The following ATP8A2 variants were observed in gnomAD, a reference collection of about 807,000 sequenced individuals.
ATP8A2 encodes ATPase phospholipid transporting 8A2.
A neutral mutation model predicts 165.6 loss-of-function variants in ATP8A2; 100 were observed. The ratio of observed to expected loss-of-function variants is 0.60; its 90% CI spans 0.51 to 0.71. The LOEUF (loss-of-function observed/expected upper bound fraction) is 0.71, where lower values mean the gene tolerates loss of function less well. ATP8A2 is among the 30% of genes least tolerant of loss of function. The pLI is 0.00. For missense variants in ATP8A2, 1,227 were observed against 1,479.5 expected (o/e 0.83, Z 2.80); for synonymous variants, 543 against 548.8 (o/e 0.99, Z 0.15).
chr13:25,505,368 T>G (rs1007676732), intron 2 of ATP8A2, among the ~76,000 whole-genome samples: 13 of 152,208 alleles, frequency 8.5e-5, no homozygotes, highest in African/African-American at 2.4e-5. Flanking sequence ...TTATTTTCTT[T>G]CTTGCTTTTC....
intron 1 of ATP8A2, among the ~76,000 whole-genome samples, chr13:25,374,921 A>C (rs1011213708): frequency 2.0e-5 from 3 of 152,228 alleles, no homozygotes; most frequent in Non-Finnish European, 4.4e-5. Flanking sequence ...ATTGCAGATC[A>C]CAGTCAGCTT....
intron 1 of ATP8A2, among the ~76,000 whole-genome samples, chr13:25,434,109 T>C (rs971537596): frequency 1.3e-5 from 2 of 152,236 alleles, no homozygotes; most frequent in African/African-American, 4.8e-5. Context: ...TACCCCCGAA[T>C]GTAAAAAAGA....
intron 2 of ATP8A2, among the ~76,000 whole-genome samples, chr13:25,512,410 G>A (rs2037261285): frequency 2.6e-5 from 4 of 152,254 alleles, no homozygotes; most frequent in South Asian, 4.2e-4. Context: ...CCTCCCAGAC[G>A]GGGTGGTGGC....
chr13:25,711,971 G>A (rs2043167952), intron 25 of ATP8A2, among the ~76,000 whole-genome samples: 1 of 152,114 alleles, frequency 6.6e-6, no homozygotes, highest in African/African-American at 2.4e-5. Flanking sequence ...GGTGCAGGTA[G>A]GATTCTGCCA....
chr13:25,637,884 G>A (rs532791106), intron 24 of ATP8A2, among the ~76,000 whole-genome samples: 4 of 152,176 alleles, frequency 2.6e-5, no homozygotes, highest in Admixed American at 6.5e-5. Context: ...CACCTCACAC[G>A]GCCGGGTACC....
intron 33 of ATP8A2, among the ~76,000 whole-genome samples, chr13:25,886,428 C>A (rs1953157774): frequency 6.6e-6 from 1 of 152,178 alleles, no homozygotes; most frequent in Admixed American, 6.5e-5. Flanking sequence ...GGGAGGTGTG[C>A]CTCTGCTTTA....
At chr13:25,653,246 A>G (rs2041854982) in intron 24 of ATP8A2, among the ~76,000 whole-genome samples, 1 of 152,214 alleles carries the variant, frequency 6.6e-6, no homozygotes, top group Non-Finnish European at 1.5e-5. Context: ...GGTGGTACAT[A>G]TACACCATGG....
At chr13:25,873,393 G>A (rs1037214719) in intron 33 of ATP8A2, among the ~76,000 whole-genome samples, 10 of 152,196 alleles carry the variant, frequency 6.6e-5, no homozygotes, top group Non-Finnish European at 8.8e-5. Context: ...AAGAGGTCAC[G>A]ACTTGGGTCA....
At chr13:25,978,769 T>G (rs1956116097) in intron 35 of ATP8A2, among the ~76,000 whole-genome samples, 1 of 152,004 alleles carries the variant, frequency 6.6e-6, no homozygotes, top group Non-Finnish European at 1.5e-5. Context: ...TTAAAACCCG[T>G]CTCTACTAAA....
chr13:25,939,631 T>C (rs1447714591), intron 33 of ATP8A2, among the ~76,000 whole-genome samples: 1 of 151,598 alleles, frequency 6.6e-6, no homozygotes, highest in Non-Finnish European at 1.5e-5. Context: ...CTTCCCTGGC[T>C]CCTGGGAGGT....
Position 25,750,532 on chromosome 13 carries a change from C to T in ATP8A2, c.2385-18514C>T, listed in dbSNP as rs1051069355. Among the ~76,000 whole-genome samples, 5 of 152,234 alleles carry T rather than the reference C, an allele frequency of 3.3e-5. No individual in the cohort carries two copies. Among genetic ancestry groups the T allele is most frequent in the South Asian group, 4.1e-4 (2 of 4,824 alleles). ...TCTGCCCGGCTCCCATTCCGAAGGC[C>T]GGTGGTTTCAGCCCAGCTTTGGGAG... On this transcript the variant is annotated intron_variant, in intron 25 of 36. Coordinates refer to ENST00000381655, the MANE Select transcript of ATP8A2 (RefSeq NM_016529.6). The surrounding 1 kb of genome is among the most constrained non-coding windows in gnomAD (Gnocchi z 4.3).
intron 33 of ATP8A2, among the ~76,000 whole-genome samples, chr13:25,932,857 T>C (rs1191159215): frequency 6.6e-6 from 1 of 152,098 alleles, no homozygotes; most frequent in Non-Finnish European, 1.5e-5. Flanking sequence ...GAACTTTTCT[T>C]TTTTTTTGAG....
chr13:25,615,143 A>G (rs1225760708), intron 24 of ATP8A2, among the ~76,000 whole-genome samples: 2 of 152,088 alleles, frequency 1.3e-5, no homozygotes, highest in Admixed American at 6.6e-5. Context: ...GTGGGTAGAG[A>G]AAGACCATCA....
chr13:25,543,505 T>C (rs1306665291), intron 10 of ATP8A2, 103 bp downstream of exon 10: 6 of 715,738 alleles, frequency 8.4e-6, no homozygotes, highest in Non-Finnish European at 1.4e-5. Context: ...CAAATTTGTC[T>C]ATGAACCTAA....
chr13:25,891,714 T>C (rs1953367707), intron 33 of ATP8A2, among the ~76,000 whole-genome samples: 2 of 152,096 alleles, frequency 1.3e-5, no homozygotes, highest in Non-Finnish European at 2.9e-5. Context: ...TTCTGACTGA[T>C]GTTGGAGGGG....
intron 33 of ATP8A2, among the ~76,000 whole-genome samples, chr13:25,876,617 A>G (rs563972113): frequency 2.0e-5 from 3 of 152,218 alleles, no homozygotes; most frequent in Non-Finnish European, 4.4e-5. Context: ...AGATCCTTTA[A>G]CATAGTAACT....
chr13:25,815,111 C>T (rs938887280), intron 27 of ATP8A2, among the ~76,000 whole-genome samples: 2 of 151,620 alleles, frequency 1.3e-5, no homozygotes, highest in African/African-American at 4.8e-5. Flanking sequence ...TAGAAGAAGA[C>T]ATAAGGGGAC....
At chr13:25,477,436 G>T (rs7333546) in intron 2 of ATP8A2, among the ~76,000 whole-genome samples, 19,413 of 152,106 alleles carry the variant, frequency 0.13, 1,430 homozygotes, top group Non-Finnish European at 0.18. Context: ...GTACTGTGTG[G>T]GTCCCTGAAT....
intron 24 of ATP8A2, among the ~76,000 whole-genome samples, chr13:25,601,651 T>C (rs561279901): frequency 6.6e-6 from 1 of 152,324 alleles, no homozygotes; most frequent in African/African-American, 2.4e-5. Context: ...AATTTTTGTT[T>C]TTAGTAGAGA....
Sources: gnomAD v4.1 joint callset for allele counts (sites outside exome capture counted in the v4.1 genomes callset) on GRCh38, gnomAD v4.1.1 for gene constraint, Gnocchi (gnomAD v3.1) non-coding constraint, MANE v1.5 for transcripts, NCBI Gene and HGNC (gene_info 2026-07-23, HGNC 2026-07-21) for gene names.